RAB26: variants seen among roughly 807,000 people sequenced by gnomAD.
The protein encoded by RAB26 is ras-related protein Rab-26.
In RAB26, 39 loss-of-function variants were observed where a neutral mutation model predicts 33.1. The observed-to-expected ratio is 1.18, with a 90% CI of 0.91 to 1.54. The LOEUF (loss-of-function observed/expected upper bound fraction) is 1.54. Among genes scored for constraint, RAB26 ranks in the 40% most tolerant of loss-of-function variants. The pLI, the probability that RAB26 is intolerant of heterozygous loss-of-function variation, is 0.00. For missense variants in RAB26, 468 were observed against 362.9 expected, an observed-to-expected ratio of 1.29 and a Z score of -2.35; for synonymous variants, 192 against 151.9, an observed-to-expected ratio of 1.26 and a Z score of -1.94.
At chr16:2,149,127 C>A in intron 1 of RAB26, 149 bp downstream of exon 1, 1 of 778,948 alleles carries the variant, frequency 1.3e-6, no homozygotes, top group Non-Finnish European at 1.7e-6. Flanking sequence ...CACGGTGCAT[C>A]GTGCACACAC....
rs774877712 is a variant in RAB26, at chr16:2,151,594, T to A, written c.332T>A (p.Val111Glu). The A allele has an allele frequency of 6.2e-7, 1 of 1,613,840 alleles. No individual in the cohort carries two copies. The change falls in exon 3 of 9, where the codon GTG (valine) becomes GAG (glutamate). Residue 111 changes from valine to glutamate, a missense_variant. Val to Glu is a moderately radical substitution (Grantham distance 121). Coordinates refer to ENST00000210187, the MANE Select transcript of RAB26 (RefSeq NM_014353.5). The part of the protein sequence containing the change: ...FRNKVLDVDG[V>E]KVKLQMWDTA... ...AACAAAGTTCTGGACGTGGATGGTG[T>A]GAAGGTGAAGCTGCAGGTAAGGTGA...
At chr16:2,149,859 C>G (rs920582665) in intron 1 of RAB26, 82 bp from the exon 2 acceptor site, 104 of 1,133,534 alleles carry the variant, frequency 9.2e-5, no homozygotes, top group Middle Eastern at 2.9e-4. Flanking sequence ...TCCCTCCACT[C>G]CTGCTCCTCA....
rs768436122 is a variant in RAB26, at chr16:2,153,579, AAC to A, written c.*160_*161del. ...AGCCTTGTCCCTTCCTCCTCCCAGC[AAC>A]AGTCCCAACAAGCAGGCTTCTGAGA... On this transcript the variant is annotated 3_prime_UTR_variant, in exon 9 of 9. Coordinates refer to ENST00000210187, the MANE Select transcript of RAB26 (RefSeq NM_014353.5). The A allele has an allele frequency of 9.7e-5, 67 of 689,296 alleles. No homozygotes were observed. The South Asian group carries it at 1.1e-3, about 11-fold the overall frequency. 42.7% of individuals were successfully genotyped at this position (689,296 alleles called of 1,614,324 possible).
In RAB26 at chr16:2,148,790, A is replaced by G; in HGVS notation, c.7A>G (p.Arg3Gly). 7.4e-7 allele frequency: 1 copy of G among 1,359,318 alleles called. No homozygotes were observed. The allele number at this position is 1,359,318 out of a possible 1,614,324, so 84.2% of individuals were successfully genotyped here. Reference sequence around the variant, plus strand: ...CACTGAGCGCCCGCCCGCCATGTCCAGGAAGAAGACCCCCAAGAGCAAAGG... The same window carrying G: ...CACTGAGCGCCCGCCCGCCATGTCCGGGAAGAAGACCCCCAAGAGCAAAGG... MS[R>G]KKTPKSKGAS... Residue 3 changes from arginine to glycine, a missense_variant, in exon 1 of 9, where the codon AGG (arginine) becomes GGG (glycine). Transcript: ENST00000210187.
intron 1 of RAB26, 59 bp downstream of exon 1, chr16:2,149,037 G>T: frequency 8.0e-7 from 1 of 1,252,370 alleles, no homozygotes; most frequent in Non-Finnish European, 1.0e-6. Context: ...CCTGAGCCAA[G>T]GGTTGGGGGT....
rs2092994559 is a variant in RAB26 at position 2,148,770 on chromosome 16, A to C, written c.-14A>C. Reference sequence around the variant, plus strand: ...CGGCGGCTGCAGCGGGAGCACACTGAGCGCCCGCCCGCCATGTCCAGGAAG... The same window carrying C: ...CGGCGGCTGCAGCGGGAGCACACTGCGCGCCCGCCCGCCATGTCCAGGAAG... On this transcript the variant is annotated 5_prime_UTR_variant, in exon 1 of 9. It removes the in-frame stop codon of an upstream open reading frame in the 5' UTR. Coordinates refer to ENST00000210187, the MANE Select transcript of RAB26 (RefSeq NM_014353.5). 1 of 1,302,324 alleles carries C rather than the reference A, an allele frequency of 7.7e-7. No homozygotes were observed. The highest frequency in any genetic ancestry group is 9.7e-7 in the Non-Finnish European group (1 of 1,030,896). The allele number at this position is 1,302,324 out of a possible 1,614,324, so 80.7% of individuals were successfully genotyped here.
chr16:2,152,526 C>G (rs2093008486), intron 5 of RAB26, among the ~76,000 whole-genome samples: 1 of 151,804 alleles, frequency 6.6e-6, no homozygotes. Flanking sequence ...AAAAAATTAG[C>G]TGGGCGTGGT....
Position 2,153,350 on chromosome 16 carries a change from A to G in RAB26, c.700A>G (p.Ser234Gly), listed in dbSNP as rs1424171382. Residue 234 changes from serine (S) to glycine (G), a missense_variant, in exon 9 of 9, where the codon AGC becomes GGC. Ser to Gly is a moderately conservative substitution (Grantham distance 56). Coordinates refer to ENST00000210187, the MANE Select transcript of RAB26 (RefSeq NM_014353.5). ...ELKQRSMKAP[S>G]EPRFRLHDYV... ...GAAGCAGCGCTCCATGAAGGCTCCCAGCGAGCCGCGCTTCCGGCTGCATGA... is the reference window on the plus strand; with the variant it reads ...GAAGCAGCGCTCCATGAAGGCTCCCGGCGAGCCGCGCTTCCGGCTGCATGA... 19 of 1,613,354 alleles carry G rather than the reference A, an allele frequency of 1.2e-5. No homozygotes were observed. The highest frequency in any genetic ancestry group is 2.2e-5 in the East Asian group (1 of 44,888).
In RAB26 at chr16:2,153,366, G is replaced by T. The variant is rs138528554; in HGVS notation, c.716G>T (p.Arg239Leu). 34 of 1,613,374 alleles carry T rather than the reference G, an allele frequency of 2.1e-5. No individual in the cohort carries two copies. Among genetic ancestry groups the T allele is most frequent in the Non-Finnish European group, 2.6e-5 (31 of 1,180,030 alleles). The change falls in exon 9 of 9, where the codon CGG becomes CTG. Residue 239 changes from arginine to leucine, a missense_variant. Arg to Leu is a moderately radical substitution (Grantham distance 102, BLOSUM62 -2). Transcript: ENST00000210187. ...AAGGCTCCCAGCGAGCCGCGCTTCC[G>T]GCTGCATGATTACGTTAAGAGGGAG... ...SMKAPSEPRF[R>L]LHDYVKREGR...
chr16:2,151,391 C>T, intron 2 of RAB26, 178 bp from the exon 3 acceptor site: 2 of 748,110 alleles, frequency 2.7e-6, no homozygotes, highest in South Asian at 1.6e-5. Flanking sequence ...GCAGAGGCTG[C>T]CGGGAGAGGC....
chr16:2,151,817 C>G, intron 4 of RAB26, 39 bp from the exon 5 acceptor site: 1 of 1,613,954 alleles, frequency 6.2e-7, no homozygotes, highest in African/African-American at 1.3e-5. Flanking sequence ...CCTGAGGGTG[C>G]AGGTGATGGT....
chr16:2,152,845 A>T lies in RAB26; in HGVS notation c.494A>T (p.Tyr165Phe), dbSNP rs199631568. The part of the protein sequence containing the change: ...IQAWLTEIHE[Y>F]AQHDVALMLL... ...GCCTGGCTGACCGAGATCCACGAGT[A>T]CGCCCAGCACGACGTGGCGCTCATG... The change falls in exon 6 of 9, where the codon TAC (tyrosine) becomes TTC (phenylalanine). Residue 165 changes from tyrosine (Y) to phenylalanine (F), a missense_variant. Physicochemically the swap from Tyr to Phe is conservative, Grantham distance 22. Coordinates refer to ENST00000210187, the MANE Select transcript of RAB26 (RefSeq NM_014353.5). 1 of 1,607,328 alleles carries T rather than the reference A, an allele frequency of 6.2e-7. No individual in the cohort carries two copies. The highest frequency in any genetic ancestry group is 2.2e-5 in the East Asian group (1 of 44,790).
intron 5 of RAB26, 69 bp from the exon 6 acceptor site, chr16:2,152,750 GA>G (rs2093009814): frequency 7.3e-7 from 1 of 1,369,666 alleles, no homozygotes; most frequent in South Asian, 1.3e-5. Context: ...GTGTGACCTG[GA>G]GGGCCAAAGT....
chr16:2,151,932 G>GAAAGGGCCCTGATAGGGCCTGACCC, intron 5 of RAB26, 24 bp downstream of exon 5: 1 of 1,613,948 alleles, frequency 6.2e-7, no homozygotes. Flanking sequence ...CTGGTGGGGT[G>GAAAGGGCCCTGATAGGGCCTGACCC]AAAGGGCCCT....
intron 5 of RAB26, 72 bp from the exon 6 acceptor site, chr16:2,152,748 T>C (rs1224952962): frequency 8.0e-6 from 10 of 1,252,510 alleles, no homozygotes; most frequent in Non-Finnish European, 1.1e-5. Flanking sequence ...CAGTGTGACC[T>C]GGAGGGCCAA....
chr16:2,152,693 CAAAAAAAA>C (rs58347017), intron 5 of RAB26, 119 bp from the exon 6 acceptor site: 24 of 349,752 alleles, frequency 6.9e-5, no homozygotes, highest in Non-Finnish European at 7.5e-5. Context: ...ACTCTTGTCT[CAAAAAAAA>C]AAAAAAAAAA....
chr16:2,148,945 C>T lies in RAB26; in HGVS notation c.162C>T (p.Gly54=). The change falls in exon 1 of 9, where the codon GGC becomes GGT. Residue 54 remains glycine, a synonymous_variant. Coordinates refer to ENST00000210187, the MANE Select transcript of RAB26 (RefSeq NM_014353.5). ...GPLQPGRPSL[G]GGVDFYDVAF... ...TGCAGCCCGGCCGGCCCTCGCTTGGCGGCGGTGTCGACTTCTACGACGTCG... is the reference window on the plus strand; with the variant it reads ...TGCAGCCCGGCCGGCCCTCGCTTGGTGGCGGTGTCGACTTCTACGACGTCG... The T allele has an allele frequency of 7.8e-7, 1 of 1,289,310 alleles. No homozygotes were observed. 79.9% of individuals were successfully genotyped at this position (1,289,310 alleles called of 1,614,324 possible).
At chr16:2,152,453 C>T (rs1012305899) in intron 5 of RAB26, among the ~76,000 whole-genome samples, 7 of 151,540 alleles carry the variant, frequency 4.6e-5, no homozygotes, top group Non-Finnish European at 8.8e-5. Flanking sequence ...GGGCGGATCA[C>T]GAGGTCAGGA....
intron 5 of RAB26, among the ~76,000 whole-genome samples, chr16:2,152,360 A>G (rs1283699569): frequency 6.6e-6 from 1 of 152,184 alleles, no homozygotes; most frequent in Non-Finnish European, 1.5e-5. Flanking sequence ...CCTGGACAAC[A>G]GAGCAAAACT....
Sources: gnomAD v4.1 joint callset for allele counts (sites outside exome capture counted in the v4.1 genomes callset) on GRCh38, gnomAD v4.1.1 for gene constraint, MANE v1.5 for transcripts, NCBI Gene and HGNC (gene_info 2026-07-23, HGNC 2026-07-21) for gene names.